Variants in RIMBP2 observed in about 807,000 individuals in gnomAD.
RIMBP2 encodes the protein RIMS-binding protein 2.
In RIMBP2, 48 loss-of-function variants were observed where a neutral mutation model predicts 118.6. That is an observed-to-expected ratio of 0.40 (90% CI 0.32 to 0.51). The LOEUF is 0.51. Ranked by LOEUF, RIMBP2 falls within the 20% of genes least tolerant of loss-of-function variation. RIMBP2 has a pLI of 0.41. For missense variants in RIMBP2, 1,551 were observed against 1,768.3 expected, an observed-to-expected ratio of 0.88 and a Z score of 2.20; for synonymous variants, 762 against 742.9, an observed-to-expected ratio of 1.03 and a Z score of -0.42.
intron 2 of RIMBP2, among the ~76,000 whole-genome samples, chr12:130,607,754 C>T (rs543139463): frequency 6.6e-6 from 1 of 152,016 alleles, no homozygotes; most frequent in Non-Finnish European, 1.5e-5. Flanking sequence ...ATTCATTCCA[C>T]CAGGTTCAAG....
rs766711323 is a variant in RIMBP2, at chr12:130,424,539, C to G, written c.2732G>C (p.Arg911Pro). The stretch of plus-strand genomic sequence containing the variant: ...GCTGTCCGGGCTCCGGGTGGCCGAG[C>G]GGCTGAACCGACAGCCCCTGTCTTC... ...LLEDRGCRFS[R>P]SATRSPDSGL... The change falls in exon 16 of 23, where the codon CGC becomes CCC. Residue 911 changes from arginine (R) to proline (P), a missense_variant. By Grantham distance (103) the Arg-to-Pro change is moderately radical. Around this residue, in one of 5 missense-constraint regions of RIMBP2, gnomAD observed 1,038 missense variants for 1,125.1 expected, o/e 0.92. Coordinates refer to ENST00000690449, the MANE Select transcript of RIMBP2 (RefSeq NM_001393629.1). This position sits in a 1 kb window ranked among gnomAD's most constrained non-coding sequence, Gnocchi z 9.8. 8.1e-7 allele frequency: 1 copy of G among 1,231,984 alleles called. No homozygotes were observed. The highest frequency in any genetic ancestry group is 1.5e-5 in the African/African-American group (1 of 64,518). The allele number at this position is 1,231,984 out of a possible 1,614,324, so 76.3% of individuals were successfully genotyped here. A position where few individuals can be genotyped will look rare whatever the true frequency, so the allele number is the denominator to read the frequency against.
intron 19 of RIMBP2, among the ~76,000 whole-genome samples, chr12:130,409,499 C>G (rs775402920): frequency 6.6e-6 from 1 of 151,984 alleles, no homozygotes; most frequent in Non-Finnish European, 1.5e-5. Flanking sequence ...CCCGCCACCA[C>G]GCCCGGCTAA....
At chr12:130,504,046 CA>C (rs1316382387) in intron 4 of RIMBP2, among the ~76,000 whole-genome samples, 2 of 152,180 alleles carry the variant, frequency 1.3e-5, no homozygotes, top group African/African-American at 2.4e-5. Flanking sequence ...ATGCTGGGAG[CA>C]GGGGGGGGTG....
intron 2 of RIMBP2, among the ~76,000 whole-genome samples, chr12:130,534,864 T>C (rs1014905164): frequency 1.3e-5 from 2 of 152,218 alleles, no homozygotes; most frequent in African/African-American, 2.4e-5. Flanking sequence ...AGTGTCTATC[T>C]GTCTAGGAAA....
intron 1 of RIMBP2, among the ~76,000 whole-genome samples, chr12:130,645,696 C>A (rs1404393822): frequency 6.6e-6 from 1 of 152,206 alleles, no homozygotes; most frequent in Non-Finnish European, 1.5e-5. Flanking sequence ...GAAACAAAGT[C>A]CTCGCTGATG....
rs560239156 is a variant in RIMBP2, at chr12:130,487,374, G to A, written c.-3-8358C>T. Among the ~76,000 whole-genome samples the A allele has an allele frequency of 3.3e-5, 5 of 152,206 alleles. No homozygotes were observed. The East Asian group carries it at 9.7e-4, about 29-fold the overall frequency. ...TGGTGCCCTCCCCATAGCGATAAGT[G>A]AGTTCTTGCTCTGAGTTCACTCGAG... On this transcript the variant is annotated intron_variant, in intron 4 of 22. Transcript: ENST00000690449.
intron 2 of RIMBP2, among the ~76,000 whole-genome samples, chr12:130,588,087 C>A (rs1013546236): frequency 2.2e-4 from 34 of 152,072 alleles, no homozygotes; most frequent in Non-Finnish European, 1.0e-4. Context: ...TGCTGTTCCC[C>A]CATCCCATCT....
At chr12:130,534,687 C>T (rs11060978) in intron 2 of RIMBP2, among the ~76,000 whole-genome samples, 16,363 of 152,258 alleles carry the variant, frequency 0.11, 973 homozygotes, top group East Asian at 0.2. Flanking sequence ...TAAGTTCACC[C>T]ATGTCATAGA....
chr12:130,529,881 C>T (rs149491692), intron 2 of RIMBP2, among the ~76,000 whole-genome samples: 2 of 152,130 alleles, frequency 1.3e-5, no homozygotes, highest in East Asian at 3.9e-4. Context: ...AATCTTATGC[C>T]GCCGCTGATC....
In RIMBP2 at chr12:130,695,657, T is replaced by C. The variant is rs1480680487; in HGVS notation, c.-352+20565A>G. 2.0e-5 allele frequency among the ~76,000 whole-genome samples: 3 copies of C among 152,076 alleles called. No homozygotes were observed. The East Asian group carries it at 5.8e-4, about 29-fold the overall frequency. ...TTTTAAGCAACAGAGTGAGGTGACC[T>C]AGTTTGTTTCAAAAAGATCAACCCC... On this transcript the variant is annotated intron_variant, in intron 1 of 22. Coordinates refer to ENST00000690449, the MANE Select transcript of RIMBP2 (RefSeq NM_001393629.1).
At chr12:130,624,874 G>A (rs1009054157) in intron 2 of RIMBP2, among the ~76,000 whole-genome samples, 8 of 152,042 alleles carry the variant, frequency 5.3e-5, no homozygotes, top group East Asian at 3.9e-4. Flanking sequence ...ACAGGCACAC[G>A]ACCCCACGCC....
chr12:130,422,455 A>T lies in RIMBP2; in HGVS notation c.3236T>A (p.Ile1079Asn), dbSNP rs141330928. 2.9e-5 allele frequency: 47 copies of T among 1,605,764 alleles called. 1 individual carries two copies. In the African/African-American group the frequency reaches 4.9e-4, roughly 17 times the overall value. ...ACAGCGATGATGGGGCCACTAACCG[A>T]TGGATGGGACTGTCACGGGCCGGGA... ...QRSRPVTVPS[I>N]DDYGRDRLSP... Residue 1079 changes from isoleucine to asparagine, a missense_variant and splice_region_variant, in exon 17 of 23, where the codon ATC (isoleucine) becomes AAC (asparagine). Transcript: ENST00000690449. The surrounding 1 kb of genome is among the most constrained non-coding windows in gnomAD (Gnocchi z 5.2).
intron 3 of RIMBP2, among the ~76,000 whole-genome samples, chr12:130,517,507 ACCAGGAGTGG>A (rs1337409380): frequency 6.6e-6 from 1 of 152,176 alleles, no homozygotes; most frequent in Non-Finnish European, 1.5e-5. Context: ...GGCTCAGGCA[ACCAGGAGTGG>A]CCACACCATT....
At chr12:130,672,940 C>T (rs1041341145) in intron 1 of RIMBP2, among the ~76,000 whole-genome samples, 3 of 152,226 alleles carry the variant, frequency 2.0e-5, no homozygotes, top group Admixed American at 6.5e-5. Flanking sequence ...TGCCCAAATT[C>T]CTTCATTCCT....
At chr12:130,556,158 G>A (rs186577939) in intron 2 of RIMBP2, among the ~76,000 whole-genome samples, 1 of 152,280 alleles carries the variant, frequency 6.6e-6, no homozygotes, top group East Asian at 1.9e-4. Flanking sequence ...GCAGAGTTTT[G>A]TTGTTCTGTT....
At chr12:130,535,738 CATATATATATATATATATAT>C (rs55887629) in intron 2 of RIMBP2, among the ~76,000 whole-genome samples, 7 of 66,738 alleles carry the variant, frequency 1.0e-4, no homozygotes, top group South Asian at 7.7e-4. Context: ...CATATATATA[CATATATATATATATATATAT>C]ATATATATAT....
chr12:130,407,094 A>G (rs1297201990), intron 20 of RIMBP2, among the ~76,000 whole-genome samples: 1 of 152,252 alleles, frequency 6.6e-6, no homozygotes, highest in Non-Finnish European at 1.5e-5. Flanking sequence ...AATCTAGACA[A>G]TATTCACAAC....
chr12:130,602,846 T>C (rs1285543627), intron 2 of RIMBP2, among the ~76,000 whole-genome samples: 1 of 152,168 alleles, frequency 6.6e-6, no homozygotes, highest in Admixed American at 6.5e-5. Context: ...AGCTCAAAAA[T>C]TGAATTATGA....
intron 1 of RIMBP2, among the ~76,000 whole-genome samples, chr12:130,656,092 A>G (rs574309356): frequency 1.3e-5 from 2 of 152,350 alleles, no homozygotes; most frequent in Non-Finnish European, 2.9e-5. Context: ...GAGAAGGGAC[A>G]TGGCCAGCTG....
Sources: gnomAD v4.1 joint callset for allele counts (sites outside exome capture counted in the v4.1 genomes callset) on GRCh38, gnomAD v4.1.1 for gene constraint, gnomAD v4.1.1 regional missense constraint, Gnocchi (gnomAD v3.1) non-coding constraint, MANE v1.5 for transcripts, NCBI Gene and HGNC (gene_info 2026-07-23, HGNC 2026-07-21) for gene names.